Variants in BBOF1 observed in about 807,000 individuals in gnomAD.
BBOF1 encodes basal body-orientation factor 1.
A neutral mutation model predicts 68.0 loss-of-function variants in BBOF1; 62 were observed. The observed-to-expected ratio is 0.91, with a 90% CI of 0.74 to 1.13. The LOEUF (loss-of-function observed/expected upper bound fraction) is 1.13, where lower values mean the gene tolerates loss of function less well. Among genes scored for constraint, BBOF1 ranks in the 50% most tolerant of loss-of-function variants. BBOF1 has a pLI of 0.00. For missense variants in BBOF1, 534 were observed against 600.1 expected (o/e 0.89, Z 1.15); for synonymous variants, 208 against 198.8 (o/e 1.05, Z -0.39).
chr14:74,075,988 G>A (rs1167821501), intron 9 of BBOF1, among the ~76,000 whole-genome samples: 1 of 152,210 alleles, frequency 6.6e-6, no homozygotes, highest in Non-Finnish European at 1.5e-5. Flanking sequence ...AGTACATACT[G>A]TATGATTCTA....
intron 9 of BBOF1, chr14:74,074,907 A>T: frequency 1.9e-6 from 3 of 1,575,252 alleles, no homozygotes; most frequent in Non-Finnish European, 2.6e-6. Flanking sequence ...ACCCAAAACT[A>T]TACTGAATTC....
At chr14:74,045,354 A>G (rs2059926161) in intron 5 of BBOF1, among the ~76,000 whole-genome samples, 2 of 151,988 alleles carry the variant, frequency 1.3e-5, no homozygotes, top group South Asian at 4.2e-4. Context: ...CTTGTTGCCC[A>G]TCTGGAGTGC....
chr14:74,028,834 G>C lies in BBOF1; in HGVS notation c.286-350G>C, dbSNP rs539062877. Among the ~76,000 whole-genome samples, 7 of 151,940 alleles carry C rather than the reference G, an allele frequency of 4.6e-5. No homozygotes were observed. In the East Asian group the frequency reaches 1.4e-3, roughly 29 times the overall value. On this transcript the variant is annotated intron_variant, in intron 2 of 11. Coordinates refer to ENST00000394009, the MANE Select transcript of BBOF1 (RefSeq NM_025057.3). ...AGTGATTCTCCTGCCTCAGCCTCCT[G>C]AGTAGCTGGGATTACAGGCATGTGC...
intron 2 of BBOF1, among the ~76,000 whole-genome samples, chr14:74,025,908 G>GA (rs2059413994): frequency 6.7e-6 from 1 of 148,362 alleles, no homozygotes; most frequent in Non-Finnish European, 1.5e-5. Flanking sequence ...GGCGGGGTGG[G>GA]GGGGGTGCAT....
At position 74,048,295 on chromosome 14, in the gene BBOF1, A is replaced by G. The variant is rs578059926; in HGVS notation, c.792+221A>G. The stretch of plus-strand genomic sequence containing the variant: ...TATAAAGAATATATCAGAAACATAA[A>G]TATGACCCTTATCCTCTACTACCTT... On this transcript the variant is annotated intron_variant, in intron 7 of 11. Coordinates refer to ENST00000394009, the MANE Select transcript of BBOF1 (RefSeq NM_025057.3). 13 of 426,758 alleles carry G rather than the reference A, an allele frequency of 3.0e-5. No homozygotes were observed. The South Asian group carries it at 4.8e-4, about 16-fold the overall frequency. 26.4% of individuals were successfully genotyped at this position (426,758 alleles called of 1,614,324 possible).
intron 2 of BBOF1, among the ~76,000 whole-genome samples, chr14:74,028,507 CACACAA>C (rs1277510667): frequency 2.6e-5 from 3 of 117,330 alleles, no homozygotes; most frequent in Middle Eastern, 4.9e-3. Context: ...CACACACACA[CACACAA>C]ATAGAGGGAA....
chr14:74,057,910 A>T lies in BBOF1; in HGVS notation c.1578+652A>T. 8.0e-6 allele frequency: 8 copies of T among 995,722 alleles called. 1 individual carries two copies. The South Asian group carries it at 2.6e-4, about 33-fold the overall frequency. The allele number at this position is 995,722 out of a possible 1,614,324, so 61.7% of individuals were successfully genotyped here. On this transcript the variant is annotated intron_variant, in intron 11 of 11. Coordinates refer to ENST00000394009, the MANE Select transcript of BBOF1 (RefSeq NM_025057.3). ...GTTCTGATTAGTGTGTTTTTTTAGA[A>T]GTGATTTCCCTTAAATATAAGGAAA... is the stretch of plus-strand genomic sequence containing the variant.
chr14:74,021,578 G>T (rs915261379), intron 1 of BBOF1, among the ~76,000 whole-genome samples: 1 of 148,090 alleles, frequency 6.8e-6, no homozygotes, highest in Non-Finnish European at 1.5e-5. Context: ...GACAGAGCAA[G>T]ATCTTGTTTC....
At chr14:74,066,872 C>T (rs144401884), downstream of BBOF1, 48 of 1,613,864 alleles carry the variant, frequency 3.0e-5, no homozygotes, top group Non-Finnish European at 3.8e-5. Flanking sequence ...CCAAGATCAG[C>T]TCCAGGCTGA....
downstream of BBOF1, chr14:74,071,090 T>C: frequency 8.8e-7 from 1 of 1,132,352 alleles, no homozygotes; most frequent in South Asian, 1.3e-5. Flanking sequence ...AGTAAATCCT[T>C]TCCTCCTTAC....
chr14:74,023,566 G>A (rs967797609), intron 2 of BBOF1, among the ~76,000 whole-genome samples: 4 of 152,068 alleles, frequency 2.6e-5, no homozygotes. Flanking sequence ...GTTGAATCTT[G>A]TATCTTATTG....
In BBOF1 at chr14:74,027,385, C is replaced by CTTT. The variant is rs35107293; in HGVS notation, c.286-1775_286-1773dup. Among the ~76,000 whole-genome samples the CTTT allele has an allele frequency of 7.7e-4, 47 of 61,098 alleles. 6 individuals are homozygous for CTTT. Among genetic ancestry groups the CTTT allele is most frequent in the African/African-American group, 1.4e-3 (19 of 13,956 alleles). 40.1% of individuals were successfully genotyped at this position (61,098 alleles called of 152,430 possible). A position where few individuals can be genotyped will look rare whatever the true frequency, so the allele number is the denominator to read the frequency against. On this transcript the variant is annotated intron_variant, in intron 2 of 11. Transcript: ENST00000394009. ...TACAGCCATGAGCCACCTCGCCCAG[C>CTTT]TTTTTTTTTTTTTTTTTTTTTTTTT...
At position 74,050,278 on chromosome 14, in the gene BBOF1, T is replaced by C. The variant is rs539212594; in HGVS notation, c.1286+83T>C. 2.1e-5 allele frequency: 30 copies of C among 1,455,398 alleles called. No homozygotes were observed. In the East Asian group the frequency reaches 3.0e-4, roughly 14 times the overall value. The allele number at this position is 1,455,398 out of a possible 1,614,324, so 90.2% of individuals were successfully genotyped here. ...AGAGGAAGTCTGAAAAGTTTAGTTTTATAATATTCAAGTATTGAATAGATT... is the reference window on the plus strand; with the variant it reads ...AGAGGAAGTCTGAAAAGTTTAGTTTCATAATATTCAAGTATTGAATAGATT... On this transcript the variant is annotated intron_variant, in intron 8 of 11. Coordinates refer to ENST00000394009, the MANE Select transcript of BBOF1 (RefSeq NM_025057.3).
chr14:74,048,084 C>A lies in BBOF1; in HGVS notation c.792+10C>A. On this transcript the variant is annotated intron_variant, in intron 7 of 11. Coordinates refer to ENST00000394009, the MANE Select transcript of BBOF1 (RefSeq NM_025057.3). The stretch of plus-strand genomic sequence containing the variant: ...ACTTTTACATCAAAAGGTTCCCTCT[C>A]ATTTAGACTTGGTGTCCTTCTTTTC... 1 of 1,600,980 alleles carries A rather than the reference C, an allele frequency of 6.2e-7. No homozygotes were observed. Among genetic ancestry groups the A allele is most frequent in the Non-Finnish European group, 8.5e-7 (1 of 1,176,346 alleles).
In BBOF1 at chr14:74,065,070, T is replaced by C; in HGVS notation, c.*371T>C. On this transcript the variant is annotated 3_prime_UTR_variant, in exon 12 of 12. Transcript: ENST00000394009. ...CATTCCTGAGGAAGAAATGGGGCAATGTGGGAGGTCATGGGGGCAATCTTA... is the reference window on the plus strand; with the variant it reads ...CATTCCTGAGGAAGAAATGGGGCAACGTGGGAGGTCATGGGGGCAATCTTA... The C allele has an allele frequency of 7.1e-7, 1 of 1,414,092 alleles. No individual in the cohort carries two copies. The allele number at this position is 1,414,092 out of a possible 1,614,324, so 87.6% of individuals were successfully genotyped here. A position where few individuals can be genotyped will look rare whatever the true frequency, so the allele number is the denominator to read the frequency against.
intron 10 of BBOF1, among the ~76,000 whole-genome samples, chr14:74,079,275 G>C (rs547310997): frequency 6.6e-6 from 1 of 151,662 alleles, no homozygotes; most frequent in Non-Finnish European, 1.5e-5. Context: ...TCAGGAATTT[G>C]AGACCTGCCT....
At chr14:74,050,911 C>T (rs2060052775) in intron 8 of BBOF1, among the ~76,000 whole-genome samples, 1 of 152,020 alleles carries the variant, frequency 6.6e-6, no homozygotes, top group Non-Finnish European at 1.5e-5. Flanking sequence ...GAGTTCAAGA[C>T]CAGCCTGGCC....
intron 2 of BBOF1, among the ~76,000 whole-genome samples, chr14:74,025,118 C>T (rs1005313748): frequency 1.3e-4 from 20 of 151,932 alleles, no homozygotes; most frequent in African/African-American, 4.1e-4. Context: ...ATTAAATTGC[C>T]CTCTATAAAG....
At chr14:74,039,286 A>G (rs550418001) in intron 4 of BBOF1, among the ~76,000 whole-genome samples, 2 of 152,166 alleles carry the variant, frequency 1.3e-5, no homozygotes, top group African/African-American at 4.8e-5. Flanking sequence ...TTTTCAATAG[A>G]TGCACGGAAT....
Sources: allele counts gnomAD v4.1 joint callset (sites outside exome capture counted in the v4.1 genomes callset), GRCh38; gene constraint gnomAD v4.1.1; transcripts MANE v1.5; gene names NCBI Gene and HGNC (gene_info 2026-07-23, HGNC 2026-07-21).